Variants in PPP3CC observed in about 807,000 individuals in gnomAD.
PPP3CC encodes the protein serine/threonine-protein phosphatase 2B catalytic subunit gamma isoform.
In PPP3CC, 35 loss-of-function variants were observed where a neutral mutation model predicts 60.3. The observed-to-expected ratio is 0.58, with a 90% CI of 0.44 to 0.77. The LOEUF is 0.77. Ranked by LOEUF, PPP3CC falls within the 30% of genes least tolerant of loss-of-function variation. The pLI is 0.00. For synonymous variants in PPP3CC, 206 were observed against 224.3 expected (o/e 0.92, Z 0.73); for missense variants, 570 against 628.9 (o/e 0.91, Z 1.00).
At chr8:22,526,379 T>C (rs1839562316) in intron 8 of PPP3CC, among the ~76,000 whole-genome samples, 1 of 152,218 alleles carries the variant, frequency 6.6e-6, no homozygotes, top group Non-Finnish European at 1.5e-5. Flanking sequence ...TAATGATATA[T>C]GACATATTTA....
chr8:22,510,934 A>G (rs149824333), intron 4 of PPP3CC, 152 bp from the exon 5 acceptor site: 3 of 816,036 alleles, frequency 3.7e-6, no homozygotes, highest in African/African-American at 1.7e-5. Flanking sequence ...ATTATCCACA[A>G]CTTTTCAAAA....
intron 1 of PPP3CC, among the ~76,000 whole-genome samples, chr8:22,460,544 G>A (rs1210754994): frequency 6.6e-6 from 1 of 151,950 alleles, no homozygotes; most frequent in Non-Finnish European, 1.5e-5. Context: ...TTTAGTCCAG[G>A]TGCAATGGCT....
chr8:22,469,851 A>G (rs1019861792), intron 1 of PPP3CC, among the ~76,000 whole-genome samples: 2 of 152,052 alleles, frequency 1.3e-5, no homozygotes, highest in African/African-American at 4.8e-5. Flanking sequence ...TGTGATAGAT[A>G]ATAAGTGATT....
At chr8:22,529,981 T>A (rs1839658845) in intron 10 of PPP3CC, among the ~76,000 whole-genome samples, 1 of 152,162 alleles carries the variant, frequency 6.6e-6, no homozygotes. Context: ...CCTCATCCTA[T>A]CCAGGCTCTG....
At chr8:22,459,807 C>T (rs1337520571) in intron 1 of PPP3CC, among the ~76,000 whole-genome samples, 1 of 151,960 alleles carries the variant, frequency 6.6e-6, no homozygotes, top group Non-Finnish European at 1.5e-5. Flanking sequence ...TTATAAATTT[C>T]TAAAAGAAAG....
intron 3 of PPP3CC, among the ~76,000 whole-genome samples, chr8:22,476,931 C>CAA (rs200213778): frequency 3.2e-4 from 21 of 65,398 alleles, no homozygotes; most frequent in Admixed American, 1.3e-3. Context: ...GACTCTGTCT[C>CAA]AAAAAAAAAA....
chr8:22,539,626 G>T, intron 13 of PPP3CC, 128 bp downstream of exon 13: 2 of 943,562 alleles, frequency 2.1e-6, no homozygotes, highest in African/African-American at 1.7e-5. Context: ...AGGTATAGTT[G>T]TTTCTAGGCA....
chr8:22,466,911 TA>T (rs112448576), intron 1 of PPP3CC, among the ~76,000 whole-genome samples: 7,492 of 151,070 alleles, frequency 0.05, 619 homozygotes, highest in African/African-American at 0.17. Context: ...CTGGATAATT[TA>T]AAAAAAAAAT....
At chr8:22,463,980 G>T (rs1837440860) in intron 1 of PPP3CC, among the ~76,000 whole-genome samples, 1 of 151,942 alleles carries the variant, frequency 6.6e-6, no homozygotes, top group African/African-American at 2.4e-5. Context: ...GAGAGATGGG[G>T]TTTCACCATG....
intron 4 of PPP3CC, among the ~76,000 whole-genome samples, chr8:22,507,384 A>G (rs1032178126): frequency 1.3e-5 from 2 of 152,228 alleles, no homozygotes; most frequent in African/African-American, 4.8e-5. Context: ...TTGTCTTGAA[A>G]ATAAAGCAAT....
chr8:22,523,417 G>A (rs965432350), intron 8 of PPP3CC, among the ~76,000 whole-genome samples: 2 of 151,644 alleles, frequency 1.3e-5, no homozygotes, highest in South Asian at 2.1e-4. Context: ...GTTTTCTATC[G>A]AGGCAGTGGT....
At chr8:22,500,186 A>C (rs1838721411) in intron 4 of PPP3CC, among the ~76,000 whole-genome samples, 1 of 152,204 alleles carries the variant, frequency 6.6e-6, no homozygotes, top group Non-Finnish European at 1.5e-5. Context: ...TATACGCCAA[A>C]AAAATTTTTT....
chr8:22,485,137 G>C (rs547085417), intron 3 of PPP3CC, among the ~76,000 whole-genome samples: 1 of 152,132 alleles, frequency 6.6e-6, no homozygotes. Context: ...AAATATCTTG[G>C]CATGCCTTTG....
intron 10 of PPP3CC, 48 bp from the exon 11 acceptor site, chr8:22,532,177 G>GC: frequency 7.2e-7 from 1 of 1,380,774 alleles, no homozygotes; most frequent in South Asian, 1.3e-5. Context: ...TTTAAAGGCA[G>GC]CCTATTAACA....
At chr8:22,459,952 A>T (rs897265009) in intron 1 of PPP3CC, among the ~76,000 whole-genome samples, 1 of 152,242 alleles carries the variant, frequency 6.6e-6, no homozygotes, top group Non-Finnish European at 1.5e-5. Flanking sequence ...TGAAGAGGCA[A>T]GCCACAGAAT....
intron 13 of PPP3CC, among the ~76,000 whole-genome samples, chr8:22,539,958 T>G (rs1256600821): frequency 2.0e-5 from 3 of 152,256 alleles, no homozygotes; most frequent in Non-Finnish European, 2.9e-5. Context: ...AAATTAACTT[T>G]GTTTCTATGA....
chr8:22,537,146 C>G (rs1021700397), intron 12 of PPP3CC, among the ~76,000 whole-genome samples: 2 of 152,192 alleles, frequency 1.3e-5, no homozygotes, highest in Non-Finnish European at 2.9e-5. Context: ...AGACATCCCA[C>G]AGAATGGTTG....
intron 3 of PPP3CC, among the ~76,000 whole-genome samples, chr8:22,482,961 A>G (rs1286425536): frequency 1.3e-5 from 2 of 152,196 alleles, no homozygotes; most frequent in African/African-American, 4.8e-5. Flanking sequence ...GGAGAGAGTC[A>G]CCTTCTAGCC....
intron 3 of PPP3CC, among the ~76,000 whole-genome samples, chr8:22,491,146 C>A (rs1416500696): frequency 6.6e-6 from 1 of 152,106 alleles, no homozygotes; most frequent in Non-Finnish European, 1.5e-5. Flanking sequence ...ATGATGAACA[C>A]CCTCATATAA....
Sources: allele counts gnomAD v4.1 joint callset (sites outside exome capture counted in the v4.1 genomes callset), GRCh38; gene constraint gnomAD v4.1.1; transcripts MANE v1.5; gene names NCBI Gene and HGNC (gene_info 2026-07-23, HGNC 2026-07-21).